The following INPP5D variants were observed in gnomAD, a reference collection of about 807,000 sequenced individuals.
INPP5D encodes inositol polyphosphate-5-phosphatase D.
A neutral mutation model predicts 122.9 loss-of-function variants in INPP5D; 33 were observed. The observed-to-expected ratio is 0.27, with a 90% CI of 0.20 to 0.36. The LOEUF (loss-of-function observed/expected upper bound fraction) is 0.36, where lower values mean the gene tolerates loss of function less well. Ranked by LOEUF, INPP5D falls within the 10% of genes least tolerant of loss-of-function variation. The probability of loss-of-function intolerance (pLI) is 1.00; values close to 1 mark genes in which losing one functional copy is unlikely to be tolerated. For missense variants in INPP5D, 1,053 were observed against 1,412.7 expected, an observed-to-expected ratio of 0.75 and a Z score of 4.08; for synonymous variants, 584 against 576.2, an observed-to-expected ratio of 1.01 and a Z score of -0.19.
chr2:233,199,548 G>C (rs1225283767), intron 25 of INPP5D, among the ~76,000 whole-genome samples: 2 of 144,160 alleles, frequency 1.4e-5, no homozygotes, highest in African/African-American at 5.2e-5. Context: ...AAAAAAAAAT[G>C]GCCAGGTGCG....
At chr2:233,190,869 G>T (rs1259144871) in intron 22 of INPP5D, among the ~76,000 whole-genome samples, 1 of 152,214 alleles carries the variant, frequency 6.6e-6, no homozygotes, top group Non-Finnish European at 1.5e-5. Context: ...AGCCATTGAA[G>T]ATTCAAGCAA....
At chr2:233,075,772 G>T (rs531710645) in intron 1 of INPP5D, among the ~76,000 whole-genome samples, 1 of 152,258 alleles carries the variant, frequency 6.6e-6, no homozygotes, top group African/African-American at 2.4e-5. Context: ...GATGGGGTGT[G>T]TGTGGGGTGG....
chr2:233,083,195 C>G (rs1418735652), intron 2 of INPP5D, among the ~76,000 whole-genome samples: 1 of 152,192 alleles, frequency 6.6e-6, no homozygotes, highest in Non-Finnish European at 1.5e-5. Flanking sequence ...ACACACATAC[C>G]TCCCAGCACA....
intron 2 of INPP5D, among the ~76,000 whole-genome samples, chr2:233,110,213 G>A (rs1692582359): frequency 6.6e-6 from 1 of 151,786 alleles, no homozygotes; most frequent in South Asian, 2.1e-4. Context: ...CACCATGCCT[G>A]ACTAATTTTT....
rs965092746 is a variant in INPP5D at position 233,082,760 on chromosome 2, G to A, written c.198+3362G>A. Among the ~76,000 whole-genome samples, 1 of 152,198 alleles carries A rather than the reference G, an allele frequency of 6.6e-6. No homozygotes were observed. Among genetic ancestry groups the A allele is most frequent in the Non-Finnish European group, 1.5e-5 (1 of 68,042 alleles). ...CTTAAAAAAAATCCGAGATGGGAGG[G>A]CAGGATGCAAACTGTAACTTCATCC... is the stretch of plus-strand genomic sequence containing the variant. On this transcript the variant is annotated intron_variant, in intron 2 of 26. Transcript: ENST00000445964. The surrounding 1 kb of genome is among the most constrained non-coding windows in gnomAD (Gnocchi z 4.7).
At chr2:233,135,732 C>G (rs1489011204) in intron 5 of INPP5D, among the ~76,000 whole-genome samples, 2 of 151,848 alleles carry the variant, frequency 1.3e-5, no homozygotes, top group African/African-American at 2.4e-5. Flanking sequence ...AAAAGCTAAG[C>G]CTAGCTCATT....
At chr2:233,135,339 G>A (rs998938619) in intron 5 of INPP5D, among the ~76,000 whole-genome samples, 2 of 151,958 alleles carry the variant, frequency 1.3e-5, no homozygotes, top group Non-Finnish European at 2.9e-5. Context: ...GTGATTACAG[G>A]CATGCACCAC....
At chr2:233,117,100 C>T (rs1277855636) in intron 2 of INPP5D, among the ~76,000 whole-genome samples, 1 of 152,194 alleles carries the variant, frequency 6.6e-6, no homozygotes, top group Non-Finnish European at 1.5e-5. Flanking sequence ...TTGCGGGGAT[C>T]ATGTCCCGGC....
Position 233,177,166 on chromosome 2 carries a change from A to G in INPP5D, c.1990-99A>G. The G allele has an allele frequency of 6.6e-7, 1 of 1,503,938 alleles. No individual in the cohort carries two copies. The highest frequency in any genetic ancestry group is 9.0e-7 in the Non-Finnish European group (1 of 1,105,468). The allele number at this position is 1,503,938 out of a possible 1,614,324, so 93.2% of individuals were successfully genotyped here. ...TCTATAAAAAGCCAACAGCCGATGA[A>G]TTTGAGGATTACAGAGGCCACCAGT... On this transcript the variant is annotated intron_variant, in intron 17 of 26. Coordinates refer to ENST00000445964, the MANE Select transcript of INPP5D (RefSeq NM_001017915.3). The surrounding 1 kb of genome is among the most constrained non-coding windows in gnomAD (Gnocchi z 4.2).
intron 2 of INPP5D, among the ~76,000 whole-genome samples, chr2:233,118,660 G>A (rs762439684): frequency 6.6e-5 from 10 of 152,314 alleles, no homozygotes; most frequent in African/African-American, 7.2e-5. Flanking sequence ...TGCTTCCTGC[G>A]GGCCCACTGC....
intron 1 of INPP5D, among the ~76,000 whole-genome samples, chr2:233,073,129 C>A (rs1691424558): frequency 6.6e-6 from 1 of 152,186 alleles, no homozygotes; most frequent in African/African-American, 2.4e-5. Context: ...GGTAAAGCAG[C>A]CCCCGGAGAT....
At chr2:233,084,438 T>G (rs113355434) in intron 2 of INPP5D, among the ~76,000 whole-genome samples, 1,914 of 152,298 alleles carry the variant, frequency 0.013, 29 homozygotes, top group African/African-American at 0.04. Flanking sequence ...TTTCCCGATT[T>G]GGAAGAAAAA....
intron 2 of INPP5D, among the ~76,000 whole-genome samples, chr2:233,092,770 C>T (rs1185056537): frequency 1.3e-5 from 2 of 152,130 alleles, no homozygotes; most frequent in African/African-American, 4.8e-5. Context: ...TCCCTTTATC[C>T]CTCAATCTCC....
intron 25 of INPP5D, among the ~76,000 whole-genome samples, chr2:233,199,871 G>A (rs913260390): frequency 6.6e-6 from 1 of 152,120 alleles, no homozygotes; most frequent in African/African-American, 2.4e-5. Context: ...GTTAACCTTT[G>A]GGCATCTCCC....
At chr2:233,195,528 G>T (rs760596127) in intron 24 of INPP5D, 33 bp downstream of exon 24, 7 of 1,612,184 alleles carry the variant, frequency 4.3e-6, no homozygotes, top group East Asian at 2.2e-5. Flanking sequence ...GTTGGGGGGG[G>T]TGGATATCAG....
intron 23 of INPP5D, 40 bp from the exon 24 acceptor site, chr2:233,195,359 C>G (rs762668256): frequency 6.2e-7 from 1 of 1,613,336 alleles, no homozygotes; most frequent in South Asian, 1.1e-5. Flanking sequence ...GCTCTGGAAG[C>G]TGGGCCCTCA....
chr2:233,113,906 C>CTTTTTTTTTTTT (rs778997649), intron 2 of INPP5D, among the ~76,000 whole-genome samples: 1 of 127,766 alleles, frequency 7.8e-6, no homozygotes, highest in African/African-American at 3.2e-5. Flanking sequence ...CCAAACCACT[C>CTTTTTTTTTTTT]TTTTTTTTTT....
intron 13 of INPP5D, among the ~76,000 whole-genome samples, chr2:233,168,293 A>T (rs1415204393): frequency 6.6e-6 from 1 of 152,234 alleles, no homozygotes; most frequent in African/African-American, 2.4e-5. Context: ...CCACAATTCC[A>T]ATGTGTATTT....
intron 5 of INPP5D, among the ~76,000 whole-genome samples, chr2:233,138,146 G>C (rs1693543504): frequency 6.6e-6 from 1 of 150,526 alleles, no homozygotes. Flanking sequence ...GAGGTCAGGA[G>C]TTTGAGACCA....
Sources: gnomAD v4.1 joint callset for allele counts (sites outside exome capture counted in the v4.1 genomes callset) on GRCh38, gnomAD v4.1.1 for gene constraint, Gnocchi (gnomAD v3.1) non-coding constraint, MANE v1.5 for transcripts, NCBI Gene and HGNC (gene_info 2026-07-23, HGNC 2026-07-21) for gene names.